MECOM: variants seen among roughly 807,000 people sequenced by gnomAD.
The protein encoded by MECOM is MDS1 and EVI1 complex locus.
In MECOM, 13 loss-of-function variants were observed where a neutral mutation model predicts 116.3. The ratio of observed to expected loss-of-function variants is 0.11; its 90% CI spans 0.07 to 0.18. The LOEUF (loss-of-function observed/expected upper bound fraction) is 0.18. Among genes scored for constraint, MECOM ranks in the 10% least tolerant of loss-of-function variants. MECOM has a pLI of 1.00. For synonymous variants in MECOM, 528 were observed against 535.2 expected, an observed-to-expected ratio of 0.99 and a Z score of 0.19; for missense variants, 1,299 against 1,509.0, an observed-to-expected ratio of 0.86 and a Z score of 2.31.
chr3:169,523,743 T>C (rs190446881), intron 1 of MECOM, among the ~76,000 whole-genome samples: 7 of 152,048 alleles, frequency 4.6e-5, no homozygotes, highest in Admixed American at 2.0e-4. Context: ...TAAATTTGAT[T>C]CTTCAATAAA....
intron 1 of MECOM, among the ~76,000 whole-genome samples, chr3:169,383,845 C>G (rs1301751750): frequency 1.3e-5 from 2 of 152,200 alleles, no homozygotes; most frequent in Non-Finnish European, 2.9e-5. Flanking sequence ...AGTAAACTTA[C>G]TACTCTCCTC....
At chr3:169,395,582 C>T (rs1734899394) in intron 1 of MECOM, among the ~76,000 whole-genome samples, 1 of 152,060 alleles carries the variant, frequency 6.6e-6, no homozygotes, top group South Asian at 2.1e-4. Context: ...TATATCATGT[C>T]CTCTTCACAT....
chr3:169,210,180 C>T (rs961016414), intron 2 of MECOM, among the ~76,000 whole-genome samples: 4 of 151,642 alleles, frequency 2.6e-5, no homozygotes, highest in African/African-American at 4.8e-5. Context: ...TGGGGCCAGT[C>T]GGGAGTGGGG....
chr3:169,163,439 A>T (rs1246271995), intron 2 of MECOM, among the ~76,000 whole-genome samples: 1 of 152,202 alleles, frequency 6.6e-6, no homozygotes, highest in Non-Finnish European at 1.5e-5. Context: ...TAGAAGTAAT[A>T]GACACTGGCA....
chr3:169,172,133 CA>C (rs11427346), intron 2 of MECOM, among the ~76,000 whole-genome samples: 12,824 of 141,380 alleles, frequency 0.091, 627 homozygotes, highest in South Asian at 0.22. Flanking sequence ...GAAAAAATAC[CA>C]AAAAAAAAAA....
chr3:169,547,915 A>T (rs1760924107), intron 1 of MECOM, among the ~76,000 whole-genome samples: 1 of 152,150 alleles, frequency 6.6e-6, no homozygotes. Flanking sequence ...AGAAGCACAC[A>T]ATAGACTCGC....
chr3:169,505,554 T>C (rs912200106), intron 1 of MECOM, among the ~76,000 whole-genome samples: 1 of 152,196 alleles, frequency 6.6e-6, no homozygotes, highest in African/African-American at 2.4e-5. Flanking sequence ...AGTGTGTGTT[T>C]GTGTGTATGC....
chr3:169,600,695 A>T (rs1767736498), intron 1 of MECOM, among the ~76,000 whole-genome samples: 1 of 152,256 alleles, frequency 6.6e-6, no homozygotes. Context: ...TATTGGGCTC[A>T]TAATGAGCTC....
chr3:169,337,524 C>G (rs1723773011), intron 2 of MECOM, among the ~76,000 whole-genome samples: 1 of 152,130 alleles, frequency 6.6e-6, no homozygotes, highest in Admixed American at 6.6e-5. Flanking sequence ...AACTGATGGC[C>G]CTGATACAAA....
intron 1 of MECOM, among the ~76,000 whole-genome samples, chr3:169,488,658 G>GA (rs1752700461): frequency 1.3e-5 from 2 of 151,850 alleles, no homozygotes; most frequent in Non-Finnish European, 2.9e-5. Flanking sequence ...CAATAAAAAT[G>GA]AATAACAAAA....
chr3:169,107,656 C>T lies in MECOM; in HGVS notation c.2604+270G>A, dbSNP rs563990488. On this transcript the variant is annotated intron_variant, in intron 10 of 16. Transcript: ENST00000651503. ...CGTTTAACAGCGTGTTCCCAGGTGTCCAGAAAGAGCTCCGTATCAAGGTAT... is the reference window on the plus strand; with the variant it reads ...CGTTTAACAGCGTGTTCCCAGGTGTTCAGAAAGAGCTCCGTATCAAGGTAT... Among the ~76,000 whole-genome samples, 129 of 152,232 alleles carry T rather than the reference C, an allele frequency of 8.5e-4. 2 individuals carry two copies. Among genetic ancestry groups the T allele is most frequent in the African/African-American group, 3.0e-3 (125 of 41,544 alleles).
At chr3:169,592,819 A>G (rs73030328) in intron 1 of MECOM, among the ~76,000 whole-genome samples, 2,761 of 147,178 alleles carry the variant, frequency 0.019, 90 homozygotes, top group African/African-American at 0.064. Context: ...TACATTACAG[A>G]CACACATACA....
chr3:169,129,440 TCAAG>T (rs1733967673), intron 4 of MECOM, among the ~76,000 whole-genome samples: 2 of 151,566 alleles, frequency 1.3e-5, no homozygotes, highest in African/African-American at 4.9e-5. Context: ...GTATGAGAAG[TCAAG>T]CAGAGAGACC....
intron 2 of MECOM, among the ~76,000 whole-genome samples, chr3:169,165,052 G>A (rs1041148971): frequency 6.6e-6 from 1 of 152,180 alleles, no homozygotes; most frequent in Non-Finnish European, 1.5e-5. Context: ...ATGAAAGTGA[G>A]TCTTAAGGTG....
chr3:169,392,668 A>C (rs1354653954), intron 1 of MECOM, among the ~76,000 whole-genome samples: 1 of 152,098 alleles, frequency 6.6e-6, no homozygotes, highest in African/African-American at 2.4e-5. Context: ...GCCTAAGATG[A>C]GGTTAGGAAA....
intron 1 of MECOM, among the ~76,000 whole-genome samples, chr3:169,393,446 A>AT (rs1276889984): frequency 6.6e-6 from 1 of 152,228 alleles, no homozygotes; most frequent in Non-Finnish European, 1.5e-5. Context: ...AGCAAAATTC[A>AT]TTTTGAGAGC....
At chr3:169,374,685 G>A (rs1730715516) in intron 2 of MECOM, among the ~76,000 whole-genome samples, 1 of 151,842 alleles carries the variant, frequency 6.6e-6, no homozygotes, top group Non-Finnish European at 1.5e-5. Flanking sequence ...TCTTTAATAA[G>A]TGGATCCACC....
intron 1 of MECOM, among the ~76,000 whole-genome samples, chr3:169,413,780 A>G (rs1738024804): frequency 6.6e-6 from 1 of 152,140 alleles, no homozygotes; most frequent in Non-Finnish European, 1.5e-5. Context: ...GGAGGTTTCG[A>G]TTGGGCACAG....
chr3:169,118,774 C>T (rs1174113090), intron 7 of MECOM, among the ~76,000 whole-genome samples: 1 of 151,852 alleles, frequency 6.6e-6, no homozygotes, highest in African/African-American at 2.4e-5. Context: ...AGAAGTTCAG[C>T]TGACTTTTCT....
Sources: gnomAD v4.1 joint callset for allele counts (sites outside exome capture counted in the v4.1 genomes callset) on GRCh38, gnomAD v4.1.1 for gene constraint, MANE v1.5 for transcripts, NCBI Gene and HGNC (gene_info 2026-07-23, HGNC 2026-07-21) for gene names.